The following ATPSCKMT variants were observed in gnomAD, a reference collection of about 807,000 sequenced individuals.
ATPSCKMT encodes the protein ATP synthase subunit C lysine N-methyltransferase.
A neutral mutation model predicts 24.3 loss-of-function variants in ATPSCKMT; 24 were observed. The ratio of observed to expected loss-of-function variants is 0.99; its 90% CI spans 0.71 to 1.39. The LOEUF (loss-of-function observed/expected upper bound fraction) is 1.39. Ranked by LOEUF, ATPSCKMT falls within the 40% of genes most tolerant of loss-of-function variation. The pLI is 0.00. For missense variants in ATPSCKMT, 311 were observed against 298.4 expected (o/e 1.04, Z -0.31); for synonymous variants, 95 against 110.5 (o/e 0.86, Z 0.88).
intron 1 of ATPSCKMT, among the ~76,000 whole-genome samples, chr5:10,243,325 A>T (rs1483314865): frequency 6.6e-6 from 1 of 152,162 alleles, no homozygotes; most frequent in African/African-American, 2.4e-5. Flanking sequence ...CTCTACTAAA[A>T]ATACAAAAAT....
intron 4 of ATPSCKMT, among the ~76,000 whole-genome samples, chr5:10,228,776 C>T (rs1001082619): frequency 1.3e-5 from 2 of 151,856 alleles, no homozygotes; most frequent in Non-Finnish European, 2.9e-5. Context: ...GCCTCCTAGA[C>T]TCAAATCATC....
chr5:10,247,995 A>C (rs1197307556), intron 1 of ATPSCKMT, among the ~76,000 whole-genome samples: 1 of 152,240 alleles, frequency 6.6e-6, no homozygotes, highest in Non-Finnish European at 1.5e-5. Context: ...ATGTACAATA[A>C]GGTACCCAAG....
chr5:10,239,675 T>G (rs1744536152), intron 1 of ATPSCKMT, among the ~76,000 whole-genome samples: 1 of 152,208 alleles, frequency 6.6e-6, no homozygotes, highest in Admixed American at 6.5e-5. Flanking sequence ...TAATATCCAT[T>G]AGTGCAAGTT....
chr5:10,236,875 C>A (rs1178372905), intron 2 of ATPSCKMT: 2 of 1,437,516 alleles, frequency 1.4e-6, no homozygotes, highest in South Asian at 2.4e-5. Context: ...TCACTTGGAA[C>A]ACCTCCATAA....
chr5:10,233,561 C>G (rs1744248724), intron 4 of ATPSCKMT, among the ~76,000 whole-genome samples: 1 of 150,862 alleles, frequency 6.6e-6, no homozygotes, highest in Admixed American at 6.6e-5. Flanking sequence ...TAATAAGACT[C>G]TTATTTCCCC....
chr5:10,230,899 T>C (rs927902319), intron 4 of ATPSCKMT, among the ~76,000 whole-genome samples: 2 of 152,036 alleles, frequency 1.3e-5, no homozygotes, highest in Non-Finnish European at 2.9e-5. Flanking sequence ...ATCCTCGTGC[T>C]CCCCATGGAG....
intron 4 of ATPSCKMT, among the ~76,000 whole-genome samples, chr5:10,230,360 T>C (rs1048299043): frequency 2.6e-5 from 4 of 152,230 alleles, no homozygotes; most frequent in Non-Finnish European, 5.9e-5. Flanking sequence ...AGATTTCTTA[T>C]GGTAATTTTG....
intron 4 of ATPSCKMT, among the ~76,000 whole-genome samples, chr5:10,228,417 G>T (rs921206261): frequency 6.6e-6 from 1 of 151,970 alleles, no homozygotes; most frequent in African/African-American, 2.4e-5. Context: ...TTATACCACC[G>T]TTGTACCATT....
intron 2 of ATPSCKMT, among the ~76,000 whole-genome samples, chr5:10,237,475 T>C (rs113941402): frequency 0.016 from 2,474 of 152,318 alleles, 29 homozygotes; most frequent in Non-Finnish European, 0.021. Flanking sequence ...GGTAACTGAA[T>C]AATGGGGGCA....
chr5:10,244,216 A>G (rs1744777416), intron 1 of ATPSCKMT, among the ~76,000 whole-genome samples: 1 of 152,238 alleles, frequency 6.6e-6, no homozygotes, highest in Non-Finnish European at 1.5e-5. Context: ...CATTTACAAT[A>G]GAAACATCAA....
At chr5:10,249,755 G>A (rs902364071) in intron 1 of ATPSCKMT, 103 bp downstream of exon 1, 28 of 1,468,284 alleles carry the variant, frequency 1.9e-5, no homozygotes, top group South Asian at 1.3e-4. Context: ...GCCCGCACCC[G>A]GTCACCGCCT....
chr5:10,242,172 T>G (rs1443951207), intron 1 of ATPSCKMT, among the ~76,000 whole-genome samples: 1 of 152,194 alleles, frequency 6.6e-6, no homozygotes, highest in Non-Finnish European at 1.5e-5. Flanking sequence ...ATTGATAGAC[T>G]CTTCCCTTCA....
At chr5:10,248,917 A>C (rs981819910) in intron 1 of ATPSCKMT, among the ~76,000 whole-genome samples, 2 of 152,200 alleles carry the variant, frequency 1.3e-5, no homozygotes, top group African/African-American at 4.8e-5. Context: ...AAGGCAGCAT[A>C]AGAGATTTAG....
In ATPSCKMT at chr5:10,239,287, T is replaced by C. The variant is rs756183439; in HGVS notation, c.86A>G (p.Asn29Ser). 3.7e-6 allele frequency: 6 copies of C among 1,614,192 alleles called. No individual in the cohort carries two copies. The highest frequency in any genetic ancestry group is 3.3e-4 in the Middle Eastern group (2 of 6,062). Residue 29 changes from asparagine (N) to serine (S), a missense_variant, in exon 2 of 5, where the codon AAC becomes AGC. Coordinates refer to ENST00000511437, the MANE Select transcript of ATPSCKMT (RefSeq NM_199133.4). The stretch of plus-strand genomic sequence containing the variant: ...CCCCCAGTTGCTTTTCTGCAAACTG[T>C]TGACTTCAAAACTTGCAGGTAGAAC... Reference protein sequence around the residue: ...RHVLPASFEVNSLQKSNWGFL... With the variant: ...RHVLPASFEVSSLQKSNWGFL...
chr5:10,248,995 G>A (rs1745125347), intron 1 of ATPSCKMT, among the ~76,000 whole-genome samples: 1 of 152,126 alleles, frequency 6.6e-6, no homozygotes, highest in African/African-American at 2.4e-5. Flanking sequence ...GAGACCTGCC[G>A]GGCACCGCGG....
chr5:10,239,919 G>A (rs1744547609), intron 1 of ATPSCKMT, among the ~76,000 whole-genome samples: 1 of 152,086 alleles, frequency 6.6e-6, no homozygotes, highest in Non-Finnish European at 1.5e-5. Flanking sequence ...GACTTTTACA[G>A]CGGATCCAAA....
chr5:10,249,583 T>C (rs1202019935), intron 1 of ATPSCKMT: 2 of 434,384 alleles, frequency 4.6e-6, no homozygotes, highest in Non-Finnish European at 8.0e-6. Context: ...ACTATCCCTA[T>C]TCCTTAAGAT....
chr5:10,240,867 T>C (rs1332307835), intron 1 of ATPSCKMT, among the ~76,000 whole-genome samples: 2 of 151,604 alleles, frequency 1.3e-5, no homozygotes, highest in African/African-American at 4.9e-5. Context: ...TGGTGGTGCA[T>C]GCTTGTAGTC....
intron 1 of ATPSCKMT, among the ~76,000 whole-genome samples, chr5:10,247,288 T>A (rs913255969): frequency 6.6e-6 from 1 of 152,164 alleles, no homozygotes; most frequent in Admixed American, 6.5e-5. Flanking sequence ...ACTATGTACA[T>A]CCAATATAGG....
Sources: gnomAD v4.1 joint callset for allele counts (sites outside exome capture counted in the v4.1 genomes callset) on GRCh38, gnomAD v4.1.1 for gene constraint, MANE v1.5 for transcripts, NCBI Gene and HGNC (gene_info 2026-07-23, HGNC 2026-07-21) for gene names.